The following CD8B2 variants were observed in gnomAD, a reference collection of about 807,000 sequenced individuals.
CD8B2 encodes the protein T-cell surface glycoprotein CD8 beta-2 chain.
CD8B2 carries 11 observed loss-of-function variants against 23.7 expected under a neutral mutation model. That is an observed-to-expected ratio of 0.46 (90% confidence interval 0.29 to 0.77). CD8B2 has a LOEUF of 0.77. Among genes scored for constraint, CD8B2 ranks in the 30% least tolerant of loss-of-function variants. The probability of loss-of-function intolerance (pLI) is 0.09; values close to 1 mark genes in which losing one functional copy is unlikely to be tolerated. For missense variants in CD8B2, 197 were observed against 270.5 expected (o/e 0.73, Z 1.91); for synonymous variants, 90 against 109.3 (o/e 0.82, Z 1.10).
At chr2:106,524,377 C>T (rs1445116267) in intron 5 of CD8B2, among the ~76,000 whole-genome samples, 2 of 152,144 alleles carry the variant, frequency 1.3e-5, no homozygotes, top group African/African-American at 4.8e-5. Context: ...TGGCTTCTGG[C>T]ACAGCCCAGG....
downstream of CD8B2, among the ~76,000 whole-genome samples, chr2:106,511,758 C>T (rs181306078): frequency 1.3e-5 from 2 of 152,288 alleles, no homozygotes; most frequent in Middle Eastern, 3.4e-3. Flanking sequence ...AAACCTCCTT[C>T]GATGCGTCAC....
chr2:106,508,776 C>T lies in CD8B2; in HGVS notation c.*1836C>T, dbSNP rs539764437. ...GCCCTATGCGGATGAAGGGATGGCC[C>T]GTGCTTGGTCTGTGGTCAATCCAGG... is the stretch of plus-strand genomic sequence containing the variant. On this transcript the variant is annotated 3_prime_UTR_variant, in exon 6 of 6. Transcript: ENST00000643224. 1.2e-4 allele frequency: 19 copies of T among 152,292 alleles called. No individual in the cohort carries two copies. The highest frequency in any genetic ancestry group is 1.0e-3 in the South Asian group (5 of 4,818). 9.4% of individuals were successfully genotyped at this position (152,292 alleles called of 1,614,324 possible).
intron 5 of CD8B2, 121 bp downstream of exon 5, chr2:106,504,446 G>A: frequency 6.5e-7 from 1 of 1,530,062 alleles, no homozygotes; most frequent in Non-Finnish European, 8.8e-7. Flanking sequence ...ACTCGGCCGG[G>A]CGTGGTAGTG....
At position 106,523,918 on chromosome 2, in the gene CD8B2, C is replaced by G. The variant is rs149243271; in HGVS notation, c.620+19593C>G. On this transcript the variant is annotated intron_variant, in intron 5 of 5. Coordinates refer to the CD8B2 transcript ENST00000416057. ...GTGGTGATCTGGTGAGTTTCAGTCC[C>G]TTGAGCTCCATCCGATTAGGTAATG... Among the ~76,000 whole-genome samples the G allele has an allele frequency of 5.9e-5, 9 of 152,270 alleles. No homozygotes were observed. The East Asian group carries it at 1.7e-3, about 29-fold the overall frequency.
intron 5 of CD8B2, among the ~76,000 whole-genome samples, chr2:106,517,581 C>CGT (rs1679747791): frequency 6.6e-6 from 1 of 152,148 alleles, no homozygotes; most frequent in Non-Finnish European, 1.5e-5. Flanking sequence ...CAGAGAGCCC[C>CGT]GTCAGCCTCC....
intron 2 of CD8B2, among the ~76,000 whole-genome samples, chr2:106,493,920 C>T (rs765855897): frequency 3.9e-5 from 6 of 152,168 alleles, no homozygotes; most frequent in Admixed American, 6.5e-5. Flanking sequence ...TAAACTTATG[C>T]GGAAAGGCTC....
chr2:106,509,655 G>T lies in CD8B2; in HGVS notation c.*2715G>T. 1.3e-5 allele frequency: 2 copies of T among 151,818 alleles called. 1 individual carries two copies. 9.4% of individuals were successfully genotyped at this position (151,818 alleles called of 1,614,324 possible). ...GCGGGCTCAGCTCCGGCCACCCAGG[G>T]AGCTGGAGCAGGCTGGGCTGCCAAT... On this transcript the variant is annotated 3_prime_UTR_variant, in exon 6 of 6. Transcript: ENST00000643224.
chr2:106,534,826 T>TTTGC (rs1193463631), intron 5 of CD8B2, among the ~76,000 whole-genome samples: 3 of 151,622 alleles, frequency 2.0e-5, no homozygotes, highest in Non-Finnish European at 4.4e-5. Context: ...AGACCTAATG[T>TTTGC]TTGTTTGTTT....
At chr2:106,500,870 T>C (rs1167513272) in intron 3 of CD8B2, among the ~76,000 whole-genome samples, 1 of 151,708 alleles carries the variant, frequency 6.6e-6, no homozygotes, top group Non-Finnish European at 1.5e-5. Flanking sequence ...GATAGTCAAC[T>C]CGTAGAAGAA....
intron 2 of CD8B2, among the ~76,000 whole-genome samples, chr2:106,492,451 C>T (rs955395446): frequency 2.0e-5 from 3 of 152,122 alleles, no homozygotes; most frequent in Non-Finnish European, 2.9e-5. Flanking sequence ...ATTCATTTTT[C>T]ATACTAAGTG....
At chr2:106,529,469 A>G (rs1469833843) in intron 5 of CD8B2, among the ~76,000 whole-genome samples, 8 of 152,226 alleles carry the variant, frequency 5.3e-5, no homozygotes, top group Non-Finnish European at 8.8e-5. Flanking sequence ...AGTTTCCTCC[A>G]GTGTGCAGCC....
Position 106,510,798 on chromosome 2 carries a change from A to T in CD8B2, c.*3858A>T, listed in dbSNP as rs1679617548. ...CTTCCCATATTTTTTAAAACATAAA[A>T]TTGAAATCTCGAGAATATAATACAT... On this transcript the variant is annotated 3_prime_UTR_variant, in exon 6 of 6. Transcript: ENST00000643224. 6.6e-6 allele frequency: 1 copy of T among 152,188 alleles called. No individual in the cohort carries two copies. Among genetic ancestry groups the T allele is most frequent in the South Asian group, 2.1e-4 (1 of 4,828 alleles). The allele number at this position is 152,188 out of a possible 1,614,324, so 9.4% of individuals were successfully genotyped here.
intron 5 of CD8B2, among the ~76,000 whole-genome samples, chr2:106,526,899 T>C (rs1407717653): frequency 6.6e-6 from 1 of 152,196 alleles, no homozygotes; most frequent in African/African-American, 2.4e-5. Context: ...GCCTCGGCCT[T>C]CCAAAATGTT....
rs115119147 is a variant in CD8B2, at chr2:106,538,529, A to T, written c.621-5463A>T. Among the ~76,000 whole-genome samples the T allele has an allele frequency of 9.7e-4, 147 of 152,224 alleles. 3 individuals carry two copies. The highest frequency in any genetic ancestry group is 6.8e-3 in the East Asian group (35 of 5,180). On this transcript the variant is annotated intron_variant, in intron 5 of 5. Transcript: ENST00000416057. ...AAGGGTGACTGTGAATCTGTGTGGC[A>T]CTTGAGATCTCACAAAGTGCATTTA...
intron 5 of CD8B2, among the ~76,000 whole-genome samples, chr2:106,537,085 C>T (rs1274989449): frequency 2.6e-5 from 4 of 152,174 alleles, no homozygotes; most frequent in African/African-American, 7.2e-5. Flanking sequence ...ATCTGGTCTT[C>T]GTCACCACCC....
chr2:106,504,225 C>T, intron 4 of CD8B2, 64 bp from the exon 5 acceptor site: 1 of 1,550,962 alleles, frequency 6.4e-7, no homozygotes, highest in African/African-American at 1.4e-5. Context: ...CCTCCTTGGC[C>T]TCTGGGGCTC....
intron 5 of CD8B2, among the ~76,000 whole-genome samples, chr2:106,543,658 A>C (rs1340067562): frequency 6.6e-6 from 1 of 152,150 alleles, no homozygotes; most frequent in Non-Finnish European, 1.5e-5. Context: ...AATATAAATA[A>C]ATTAATTAAA....
chr2:106,536,636 T>C (rs986365932), intron 5 of CD8B2, among the ~76,000 whole-genome samples: 3 of 152,056 alleles, frequency 2.0e-5, no homozygotes, highest in Admixed American at 6.5e-5. Context: ...ATGAAAAGGG[T>C]GAAACTGAGA....
chr2:106,507,340 G>A lies in CD8B2; in HGVS notation c.*400G>A. On this transcript the variant is annotated 3_prime_UTR_variant, in exon 6 of 6. Coordinates refer to ENST00000643224, the MANE Select transcript of CD8B2 (RefSeq NM_001349727.2). ...TTGGGTCCTGGGTCTTTCATGGGGT[G>A]ATGCTGGGCTGGCTCCCTCTTGGTC... The A allele has an allele frequency of 1.0e-6, 1 of 996,176 alleles. No individual in the cohort carries two copies. The highest frequency in any genetic ancestry group is 1.2e-6 in the Non-Finnish European group (1 of 837,030). The allele number at this position is 996,176 out of a possible 1,614,324, so 61.7% of individuals were successfully genotyped here.
Sources: gnomAD v4.1 joint callset for allele counts (sites outside exome capture counted in the v4.1 genomes callset) on GRCh38, gnomAD v4.1.1 for gene constraint, MANE v1.5 for transcripts, NCBI Gene and HGNC (gene_info 2026-07-23, HGNC 2026-07-21) for gene names.